LIMS1: variants seen among roughly 807,000 people sequenced by gnomAD.
LIMS1 encodes LIM zinc finger domain containing 1.
A neutral mutation model predicts 44.1 loss-of-function variants in LIMS1; 18 were observed. The observed-to-expected ratio is 0.41, with a 90% CI of 0.28 to 0.61. The LOEUF (loss-of-function observed/expected upper bound fraction) is 0.61, where lower values mean the gene tolerates loss of function less well. Among genes scored for constraint, LIMS1 ranks in the 20% least tolerant of loss-of-function variants. The pLI is 0.32. For missense variants in LIMS1, 201 were observed against 422.0 expected (o/e 0.48, Z 4.59); for synonymous variants, 93 against 149.1 (o/e 0.62, Z 2.74).
At chr2:108,586,085 C>T (rs1429432151) in intron 1 of LIMS1, among the ~76,000 whole-genome samples, 4 of 151,824 alleles carry the variant, frequency 2.6e-5, no homozygotes, top group Non-Finnish European at 4.4e-5. Context: ...CCAGCTACTC[C>T]GGGGGCTGAG....
exon 10 of LIMS1, chr2:108,686,791 G>T (rs1213841589): frequency 4.8e-5 from 7 of 144,356 alleles, no homozygotes; most frequent in Non-Finnish European, 9.2e-5. Flanking sequence ...AAAAAAAAAA[G>T]TGTAAGTGGA....
chr2:108,678,632 A>C (rs1026729140), intron 8 of LIMS1: 1 of 152,306 alleles, frequency 6.6e-6, no homozygotes, highest in African/African-American at 2.4e-5. Flanking sequence ...AACACTGTTC[A>C]TGTGCAGTTT....
chr2:108,539,327 C>T (rs1160228653), intron 1 of LIMS1, among the ~76,000 whole-genome samples: 2 of 152,174 alleles, frequency 1.3e-5, no homozygotes, highest in African/African-American at 2.4e-5. Flanking sequence ...TCAAGCGATC[C>T]GCCCTTCTCG....
intron 5 of LIMS1, chr2:108,673,896 G>T (rs1692316148): frequency 2.0e-5 from 3 of 152,140 alleles, no homozygotes; most frequent in Non-Finnish European, 4.4e-5. Flanking sequence ...TATCTTAAAA[G>T]ATGTTGTTAC....
At chr2:108,627,542 T>A (rs796610222) in intron 1 of LIMS1, among the ~76,000 whole-genome samples, 14 of 152,230 alleles carry the variant, frequency 9.2e-5, no homozygotes, top group African/African-American at 3.4e-4. Context: ...ATCCCAAAAT[T>A]TCAATAATTT....
chr2:108,547,419 C>G (rs1684517141), intron 1 of LIMS1, among the ~76,000 whole-genome samples: 1 of 152,166 alleles, frequency 6.6e-6, no homozygotes, highest in Non-Finnish European at 1.5e-5. Context: ...GGTGGACACT[C>G]TCTTGGGTGG....
chr2:108,667,551 A>AAAAAATATATAT (rs765279788), intron 2 of LIMS1, among the ~76,000 whole-genome samples: 7 of 130,472 alleles, frequency 5.4e-5, no homozygotes, highest in Non-Finnish European at 9.8e-5. Flanking sequence ...AAAAAAAAAA[A>AAAAAATATATAT]ATATATATAT....
At chr2:108,640,280 G>T (rs1394419888) in intron 1 of LIMS1, among the ~76,000 whole-genome samples, 1 of 152,156 alleles carries the variant, frequency 6.6e-6, no homozygotes, top group Non-Finnish European at 1.5e-5. Context: ...GTCCTTTGTG[G>T]GTAGATATTT....
At chr2:108,640,681 A>G in intron 1 of LIMS1, among the ~76,000 whole-genome samples, 1 of 152,212 alleles carries the variant, frequency 6.6e-6, no homozygotes, top group East Asian at 1.9e-4. Context: ...AATTGTACAT[A>G]TTTATGGGGT....
intron 1 of LIMS1, among the ~76,000 whole-genome samples, chr2:108,556,511 G>GTT (rs772561155): frequency 1.3e-5 from 2 of 152,092 alleles, no homozygotes; most frequent in Non-Finnish European, 2.9e-5. Flanking sequence ...GTAATTCTGT[G>GTT]TTTACCTTTT....
chr2:108,659,842 T>C (rs1357652421), intron 2 of LIMS1, 78 bp downstream of exon 2: 2 of 1,610,528 alleles, frequency 1.2e-6, no homozygotes, highest in African/African-American at 1.3e-5. Flanking sequence ...TGAGGCCTCC[T>C]CCTTCATGTT....
rs765279788 is a variant in LIMS1, at chr2:108,667,551, A to AAATATATAT, written c.193-3229_193-3228insATATATATA. Among the ~76,000 whole-genome samples the AAATATATAT allele has an allele frequency of 4.1e-3, 532 of 130,434 alleles. 2 individuals are homozygous for AAATATATAT. The highest frequency in any genetic ancestry group is 0.012 in the African/African-American group (418 of 34,982). 85.6% of individuals were successfully genotyped at this position (130,434 alleles called of 152,430 possible). A position where few individuals can be genotyped will look rare whatever the true frequency, so the allele number is the denominator to read the frequency against. Reference sequence around the variant, plus strand: ...TTCAACCTTTTTTAAAAAAAAAAAAAATATATATATATATATATACTGCTG... The same window carrying AAATATATAT: ...TTCAACCTTTTTTAAAAAAAAAAAAAAATATATATATATATATATATATATATACTGCTG... On this transcript the variant is annotated intron_variant, in intron 2 of 9. Transcript: ENST00000544547.
intron 1 of LIMS1, among the ~76,000 whole-genome samples, chr2:108,631,081 A>T (rs1688894095): frequency 6.6e-6 from 1 of 152,220 alleles, no homozygotes. Context: ...AGTGTGGGAC[A>T]CTTAATGAGT....
At chr2:108,540,400 G>A (rs1168438931) in intron 1 of LIMS1, among the ~76,000 whole-genome samples, 2 of 151,874 alleles carry the variant, frequency 1.3e-5, no homozygotes, top group African/African-American at 2.4e-5. Context: ...GAGTTTCACC[G>A]TGTTAGCCAG....
chr2:108,642,216 G>A (rs1689716204), intron 1 of LIMS1, among the ~76,000 whole-genome samples: 1 of 151,756 alleles, frequency 6.6e-6, no homozygotes. Flanking sequence ...TTGGAGTCCT[G>A]TATTTTAGAG....
chr2:108,680,826 A>T, intron 9 of LIMS1, 56 bp downstream of exon 9: 1 of 1,591,182 alleles, frequency 6.3e-7, no homozygotes, highest in Non-Finnish European at 8.5e-7. Flanking sequence ...TTGGGGAGAC[A>T]CTTAAAAAAA....
intron 1 of LIMS1, among the ~76,000 whole-genome samples, chr2:108,567,132 G>T (rs1307345086): frequency 6.6e-6 from 1 of 152,196 alleles, no homozygotes; most frequent in Non-Finnish European, 1.5e-5. Context: ...TTGTTATAAT[G>T]TTGATGAGAA....
At chr2:108,621,138 C>T (rs147001024) in intron 1 of LIMS1, 8 of 682,694 alleles carry the variant, frequency 1.2e-5, no homozygotes, top group Non-Finnish European at 1.8e-5. Flanking sequence ...CCCCAAGGTG[C>T]GAGGCCCAGA....
chr2:108,672,013 A>C (rs988498421), intron 3 of LIMS1, among the ~76,000 whole-genome samples: 2 of 152,120 alleles, frequency 1.3e-5, no homozygotes, highest in Non-Finnish European at 2.9e-5. Context: ...TACTGAAAAT[A>C]CAAAATAGCC....
Sources: gnomAD v4.1 joint callset for allele counts (sites outside exome capture counted in the v4.1 genomes callset) on GRCh38, gnomAD v4.1.1 for gene constraint, MANE v1.5 for transcripts, NCBI Gene and HGNC (gene_info 2026-07-23, HGNC 2026-07-21) for gene names.